MTPAP: variants seen among roughly 807,000 people sequenced by gnomAD.
MTPAP encodes mitochondrial poly(A) polymerase, also known as poly(A) RNA polymerase, mitochondrial.
MTPAP carries 23 observed loss-of-function variants against 48.7 expected under a neutral mutation model. The observed-to-expected ratio is 0.47, with a 90% CI of 0.34 to 0.67. The LOEUF (loss-of-function observed/expected upper bound fraction) is 0.67, where lower values mean the gene tolerates loss of function less well. Ranked by LOEUF, MTPAP falls within the 30% of genes least tolerant of loss-of-function variation. The probability of loss-of-function intolerance (pLI) is 0.01; values close to 1 mark genes in which losing one functional copy is unlikely to be tolerated. For missense variants in MTPAP, 614 were observed against 694.3 expected (o/e 0.88, Z 1.30); for synonymous variants, 257 against 254.1 (o/e 1.01, Z -0.11).
chr10:30,314,072 C>G, intron 8 of MTPAP, 101 bp from the exon 9 acceptor site: 1 of 1,306,934 alleles, frequency 7.7e-7, no homozygotes, highest in Non-Finnish European at 1.1e-6. Context: ...AAAACACCAG[C>G]ATTAACTTTA....
chr10:30,323,006 G>A (rs2489848), intron 5 of MTPAP, among the ~76,000 whole-genome samples: 2,091 of 151,198 alleles, frequency 0.014, 18 homozygotes, highest in Non-Finnish European at 0.02. Flanking sequence ...GCGTGCCCCC[G>A]TAATCCCAGC....
At chr10:30,318,886 A>G (rs1840691225) in intron 6 of MTPAP, among the ~76,000 whole-genome samples, 1 of 152,196 alleles carries the variant, frequency 6.6e-6, no homozygotes, top group African/African-American at 2.4e-5. Context: ...AAGAACTACA[A>G]CAATCTAACA....
chr10:30,346,685 C>G (rs1834876808), intron 1 of MTPAP, among the ~76,000 whole-genome samples: 1 of 152,182 alleles, frequency 6.6e-6, no homozygotes. Context: ...ATCCAAACAA[C>G]AGCTAAACCT....
chr10:30,325,789 C>G (rs1290203838), intron 5 of MTPAP, among the ~76,000 whole-genome samples: 1 of 151,848 alleles, frequency 6.6e-6, no homozygotes, highest in Non-Finnish European at 1.5e-5. Flanking sequence ...AAGAAATTTT[C>G]CCTGTTGTGA....
chr10:30,324,899 T>C (rs942962242), intron 5 of MTPAP, among the ~76,000 whole-genome samples: 7 of 151,848 alleles, frequency 4.6e-5, no homozygotes, highest in African/African-American at 7.2e-5. Flanking sequence ...GGCAGGAGAA[T>C]TGATTGAAGC....
At chr10:30,336,718 G>T in intron 4 of MTPAP, 85 bp downstream of exon 4, 1 of 1,056,282 alleles carries the variant, frequency 9.5e-7, no homozygotes, top group Non-Finnish European at 1.5e-6. Flanking sequence ...GAAATCAACA[G>T]TTCTATTTTA....
rs989246734 is a variant in MTPAP, at chr10:30,317,919, G to A, written c.1220-1709C>T. ...ACCCAGGCTGAAGTGCAGTGGCGGC[G>A]TGACCTTGGCTCACTGCAACTTCCG... On this transcript the variant is annotated intron_variant, in intron 6 of 8. Transcript: ENST00000263063. Among the ~76,000 whole-genome samples, 5 of 152,138 alleles carry A rather than the reference G, an allele frequency of 3.3e-5. No homozygotes were observed. In the East Asian group the frequency reaches 7.7e-4, roughly 24 times the overall value.
intron 3 of MTPAP, among the ~76,000 whole-genome samples, chr10:30,339,480 CAAAAAAAAA>C (rs34169013): frequency 1.1e-5 from 1 of 92,314 alleles, no homozygotes; most frequent in East Asian, 3.1e-4. Flanking sequence ...GACTCCATCT[CAAAAAAAAA>C]AAAAAAAAAA....
chr10:30,337,174 C>A, intron 3 of MTPAP, 147 bp from the exon 4 acceptor site: 1 of 772,740 alleles, frequency 1.3e-6, no homozygotes, highest in Non-Finnish European at 2.2e-6. Flanking sequence ...CCTGTAATCC[C>A]AACATTTTGG....
intron 1 of MTPAP, among the ~76,000 whole-genome samples, chr10:30,347,124 G>A (rs760124466): frequency 3.3e-5 from 5 of 152,234 alleles, no homozygotes; most frequent in Non-Finnish European, 5.9e-5. Flanking sequence ...AAAGAATCCC[G>A]AATAATACAC....
rs1267024549 is a variant in MTPAP at position 30,314,370 on chromosome 10, G to A, written c.1387-399C>T. Among the ~76,000 whole-genome samples, 4 of 152,030 alleles carry A rather than the reference G, an allele frequency of 2.6e-5. 1 individual carries two copies. The highest frequency in any genetic ancestry group is 5.9e-5 in the Non-Finnish European group (4 of 68,002). ...AAATCAGAAAGTAAGATGAAGATACGTTTATTTCTGAGACTTGCTAAAAGC... is the reference window on the plus strand; with the variant it reads ...AAATCAGAAAGTAAGATGAAGATACATTTATTTCTGAGACTTGCTAAAAGC... On this transcript the variant is annotated intron_variant, in intron 8 of 8. Coordinates refer to ENST00000263063, the MANE Select transcript of MTPAP (RefSeq NM_018109.4).
chr10:30,320,160 A>T (rs570167223), intron 6 of MTPAP, among the ~76,000 whole-genome samples: 2 of 152,298 alleles, frequency 1.3e-5, no homozygotes, highest in Admixed American at 6.5e-5. Context: ...GCTATTGAGG[A>T]GGCTGAGGTG....
rs1437127852 is a variant in MTPAP at position 30,313,467 on chromosome 10, G to A, written c.*142C>T. On this transcript the variant is annotated 3_prime_UTR_variant, in exon 9 of 9. Transcript: ENST00000263063. ...AAAACATCCCAGAACTTCAGACCAG[G>A]TTAAGGGGGCCAATGAGAAGATCAT... 4.2e-6 allele frequency: 5 copies of A among 1,191,736 alleles called. No homozygotes were observed. The highest frequency in any genetic ancestry group is 6.1e-6 in the Non-Finnish European group (5 of 816,972). 73.8% of individuals were successfully genotyped at this position (1,191,736 alleles called of 1,614,324 possible).
In MTPAP at chr10:30,313,442, A is replaced by T; in HGVS notation, c.*167T>A. The T allele has an allele frequency of 1.0e-6, 1 of 954,628 alleles. No individual in the cohort carries two copies. Among genetic ancestry groups the T allele is most frequent in the Admixed American group, 2.1e-5 (1 of 48,382 alleles). 59.1% of individuals were successfully genotyped at this position (954,628 alleles called of 1,614,324 possible). ...ACTGAGTATCAGACTGATCAAACTG[A>T]AAACATCCCAGAACTTCAGACCAGG... On this transcript the variant is annotated 3_prime_UTR_variant, in exon 9 of 9. Transcript: ENST00000263063.
At chr10:30,336,331 AAAAC>A (rs1271008378) in intron 4 of MTPAP, among the ~76,000 whole-genome samples, 11 of 152,190 alleles carry the variant, frequency 7.2e-5, no homozygotes, top group Non-Finnish European at 1.5e-5. Flanking sequence ...ATATAATAAT[AAAAC>A]AATCTAATAA....
chr10:30,323,854 A>G (rs1177224236), intron 5 of MTPAP, among the ~76,000 whole-genome samples: 1 of 152,252 alleles, frequency 6.6e-6, no homozygotes, highest in East Asian at 1.9e-4. Context: ...CATGATTTAA[A>G]TAATATGTAA....
rs1190459840 is a variant in MTPAP, at chr10:30,316,197, T to C, written c.1233A>G (p.Lys411=). ...TGCAGTTGTTGCCTTCTATTACACA[T>C]TTATCTTCTGCATCTTAAACACAAA... The part of the protein sequence containing the change: ...SLKTLADAED[K]CVIEGNNCTF... The change falls in exon 7 of 9, where the codon AAA becomes AAG. Residue 411 remains lysine, a synonymous_variant. Transcript: ENST00000263063. 1.9e-6 allele frequency: 3 copies of C among 1,613,432 alleles called. No individual in the cohort carries two copies. The highest frequency in any genetic ancestry group is 1.3e-5 in the African/African-American group (1 of 74,908).
At chr10:30,325,602 C>A (rs1307494049) in intron 5 of MTPAP, among the ~76,000 whole-genome samples, 1 of 151,980 alleles carries the variant, frequency 6.6e-6, no homozygotes, top group African/African-American at 2.4e-5. Context: ...CAAAAATTAG[C>A]CAGCGTGATG....
chr10:30,348,902 G>A, intron 1 of MTPAP: 1 of 635,280 alleles, frequency 1.6e-6, no homozygotes, highest in Admixed American at 2.9e-5. Flanking sequence ...GTACACAGGA[G>A]TCGCCCCAAA....
Sources: gnomAD v4.1 joint callset for allele counts (sites outside exome capture counted in the v4.1 genomes callset) on GRCh38, gnomAD v4.1.1 for gene constraint, MANE v1.5 for transcripts, NCBI Gene and HGNC (gene_info 2026-07-23, HGNC 2026-07-21) for gene names.